The following SI variants were observed in gnomAD, a reference collection of about 807,000 sequenced individuals.
SI encodes the protein sucrase-isomaltase.
Under a neutral mutation model 253.3 loss-of-function variants are expected in SI, and 235 were observed. That is an observed-to-expected ratio of 0.93 (90% CI 0.83 to 1.03). SI has a LOEUF of 1.03. Among genes scored for constraint, SI ranks in the 50% least tolerant of loss-of-function variants. The pLI is 0.00. For missense variants in SI, 2,442 were observed against 2,211.1 expected (o/e 1.10, Z -2.09); for synonymous variants, 819 against 712.0 (o/e 1.15, Z -2.39).
chr3:165,075,028 A>T (rs1483356843), intron 2 of SI, among the ~76,000 whole-genome samples: 1 of 151,994 alleles, frequency 6.6e-6, no homozygotes, highest in Non-Finnish European at 1.5e-5. Context: ...GTTATGAAAA[A>T]CATATAGAGA....
intron 44 of SI, among the ~76,000 whole-genome samples, chr3:164,990,249 C>T (rs943485982): frequency 6.6e-6 from 1 of 151,990 alleles, no homozygotes; most frequent in Non-Finnish European, 1.5e-5. Context: ...CTTTGAAAAA[C>T]AGGTTAATAA....
intron 3 of SI, among the ~76,000 whole-genome samples, chr3:165,069,849 A>G (rs1395761280): frequency 6.6e-6 from 1 of 151,712 alleles, no homozygotes; most frequent in Non-Finnish European, 1.5e-5. Flanking sequence ...TAGTGATGCT[A>G]TGCATGAATA....
At chr3:165,030,368 C>T (rs13069479) in intron 25 of SI, among the ~76,000 whole-genome samples, 34,079 of 150,684 alleles carry the variant, frequency 0.23, 4,480 homozygotes, top group Middle Eastern at 0.32. Context: ...ATAGTGTCCA[C>T]TACTGGCATA....
Position 165,074,660 on chromosome 3 carries a change from A to T in SI, c.126T>A (p.Ser42Arg). The change falls in exon 3 of 48, where the codon AGT becomes AGA. Residue 42 changes from serine to arginine, a missense_variant. Coordinates refer to ENST00000264382, the MANE Select transcript of SI (RefSeq NM_001041.4). ...TAGTAGCTGGAGTTGAAGTAGAATC[A>T]CTAATTTCTGGGGGAGGAAAAAACT... Reference protein sequence around the residue: ...ATKTPAVDEISDSTSTPATTR... With the variant: ...ATKTPAVDEIRDSTSTPATTR... 1 of 1,609,362 alleles carries T rather than the reference A, an allele frequency of 6.2e-7. No homozygotes were observed. Among genetic ancestry groups the T allele is most frequent in the Non-Finnish European group, 8.5e-7 (1 of 1,176,536 alleles).
At chr3:165,014,520 AT>A (rs1235380397) in intron 33 of SI, among the ~76,000 whole-genome samples, 1 of 152,118 alleles carries the variant, frequency 6.6e-6, no homozygotes, top group Non-Finnish European at 1.5e-5. Context: ...AAGAGCTGGG[AT>A]TACAGGCGTG....
At chr3:165,005,790 A>G (rs1272888767) in intron 37 of SI, among the ~76,000 whole-genome samples, 9 of 152,054 alleles carry the variant, frequency 5.9e-5, no homozygotes, top group African/African-American at 1.7e-4. Context: ...TTTGTTGCCC[A>G]GGCTGGAATG....
chr3:164,987,141 T>A lies in SI; in HGVS notation c.5194A>T (p.Ile1732Leu). ...ATCTACTAAATCGAGCACTCACCTATACTCTCTCCATCATCCCAAAACAGA... is the reference window on the plus strand; with the variant it reads ...ATCTACTAAATCGAGCACTCACCTAAACTCTCTCCATCATCCCAAAACAGA... ...GSLFWDDGES[I>L]DTYERDLYLS... Residue 1732 changes from isoleucine to leucine, a missense_variant, in exon 45 of 48, where the codon ATA (isoleucine) becomes TTA (leucine). Ile to Leu is a conservative substitution (Grantham distance 5). Coordinates refer to ENST00000264382, the MANE Select transcript of SI (RefSeq NM_001041.4). The A allele has an allele frequency of 1.9e-6, 3 of 1,610,632 alleles. No individual in the cohort carries two copies. Among genetic ancestry groups the A allele is most frequent in the Non-Finnish European group, 2.5e-6 (3 of 1,177,050 alleles).
chr3:165,055,523 A>G (rs894213280), intron 12 of SI, among the ~76,000 whole-genome samples: 2 of 151,990 alleles, frequency 1.3e-5, no homozygotes, highest in Non-Finnish European at 2.9e-5. Flanking sequence ...AGCATTTAGG[A>G]AGAAAAAAAT....
Position 165,065,329 on chromosome 3 carries a change from T to G in SI, c.739A>C (p.Lys247Gln), listed in dbSNP as rs1306680091. 4 of 1,607,044 alleles carry G rather than the reference T, an allele frequency of 2.5e-6. No homozygotes were observed. Among genetic ancestry groups the G allele is most frequent in the Non-Finnish European group, 3.4e-6 (4 of 1,174,876 alleles). Residue 247 changes from lysine to glutamine, a missense_variant, in exon 7 of 48, where the codon AAG (lysine) becomes CAG (glutamine). Coordinates refer to ENST00000264382, the MANE Select transcript of SI (RefSeq NM_001041.4). ...YIYGIGEQVH[K>Q]RFRHDLSWKT... ...CAGGATAAATCATGACGAAATCTCT[T>G]ATGAACTTGTTCTCCAATACCATAA...
At chr3:165,023,808 A>T in intron 25 of SI, 32 bp from the exon 26 acceptor site, 1 of 1,456,204 alleles carries the variant, frequency 6.9e-7, no homozygotes, top group South Asian at 1.1e-5. Context: ...ATTGCCAGAA[A>T]TTATAAGCCT....
intron 13 of SI, among the ~76,000 whole-genome samples, chr3:165,053,389 G>T (rs1713534047): frequency 6.6e-6 from 1 of 152,082 alleles, no homozygotes; most frequent in Non-Finnish European, 1.5e-5. Flanking sequence ...ATAACAACTT[G>T]TTTTAGCTGG....
intron 6 of SI, 33 bp from the exon 7 acceptor site, chr3:165,065,465 A>ATATATATATATATATATG (rs1714196468): frequency 7.1e-6 from 1 of 140,990 alleles, no homozygotes; most frequent in Non-Finnish European, 1.1e-5. Flanking sequence ...AAATAATCTA[A>ATATATATATATATATATG]TATATATATA....
At chr3:165,057,241 G>A (rs976243513) in intron 12 of SI, among the ~76,000 whole-genome samples, 1 of 151,716 alleles carries the variant, frequency 6.6e-6, no homozygotes, top group Admixed American at 6.6e-5. Flanking sequence ...TGATCAAGCA[G>A]AAGAAAGAAT....
chr3:165,075,834 T>G (rs1011781249), intron 2 of SI, 61 bp downstream of exon 2: 23 of 981,446 alleles, frequency 2.3e-5, no homozygotes, highest in Middle Eastern at 2.2e-4. Flanking sequence ...CTATAACTAT[T>G]GTGGAGTAAC....
chr3:164,980,113 C>A (rs1717110394), intron 47 of SI, among the ~76,000 whole-genome samples: 1 of 151,778 alleles, frequency 6.6e-6, no homozygotes, highest in Non-Finnish European at 1.5e-5. Context: ...ATTCAGTCAT[C>A]AAATACGCAA....
At chr3:165,046,715 A>G in intron 16 of SI, 126 bp downstream of exon 16, 1 of 794,216 alleles carries the variant, frequency 1.3e-6, no homozygotes, top group South Asian at 1.8e-5. Flanking sequence ...TAAACTCCAT[A>G]AAAATAAAAA....
At chr3:165,041,330 C>T (rs1712818078) in intron 17 of SI, among the ~76,000 whole-genome samples, 1 of 151,880 alleles carries the variant, frequency 6.6e-6, no homozygotes, top group African/African-American at 2.4e-5. Flanking sequence ...AAAGCGTTGC[C>T]ACAGAAAAAA....
chr3:165,069,432 G>A (rs910676609), intron 3 of SI, among the ~76,000 whole-genome samples: 3 of 151,944 alleles, frequency 2.0e-5, no homozygotes, highest in African/African-American at 7.2e-5. Flanking sequence ...TTAAAATCAC[G>A]TATCTATACA....
intron 19 of SI, 94 bp downstream of exon 19, chr3:165,039,793 T>C: frequency 1.1e-6 from 1 of 887,946 alleles, no homozygotes. Context: ...AACAGTCCAC[T>C]GAGTAACATC....
Sources: allele counts gnomAD v4.1 joint callset (sites outside exome capture counted in the v4.1 genomes callset), GRCh38; gene constraint gnomAD v4.1.1; transcripts MANE v1.5; gene names NCBI Gene and HGNC (gene_info 2026-07-23, HGNC 2026-07-21).